Variants in FRZB observed in about 807,000 individuals in gnomAD.
FRZB encodes frizzled related protein.
Under a neutral mutation model 32.5 loss-of-function variants are expected in FRZB, and 34 were observed. The observed-to-expected ratio is 1.05, with a 90% CI of 0.80 to 1.39. The LOEUF is 1.39. Among genes scored for constraint, FRZB ranks in the 40% most tolerant of loss-of-function variants. The pLI is 0.00. For synonymous variants in FRZB, 170 were observed against 159.2 expected, an observed-to-expected ratio of 1.07 and a Z score of -0.51; for missense variants, 423 against 424.8, an observed-to-expected ratio of 1.00 and a Z score of 0.04.
At chr2:182,858,965 A>G (rs2105763324) in intron 1 of FRZB, 132 bp from the exon 2 acceptor site, 1 of 721,858 alleles carries the variant, frequency 1.4e-6, no homozygotes, top group East Asian at 2.5e-5. Flanking sequence ...ATTTTTATTA[A>G]CGTCATGAGG....
intron 5 of FRZB, among the ~76,000 whole-genome samples, chr2:182,835,550 G>A (rs1695515293): frequency 6.8e-6 from 1 of 147,874 alleles, no homozygotes; most frequent in South Asian, 2.2e-4. Context: ...GCAGGTATTA[G>A]CAATGTTTTT....
chr2:182,862,786 T>G (rs1157237327), intron 1 of FRZB, among the ~76,000 whole-genome samples: 1 of 124,050 alleles, frequency 8.1e-6, no homozygotes, highest in Non-Finnish European at 1.7e-5. Flanking sequence ...TTTTTTTTTT[T>G]GAAACACAGT....
intron 1 of FRZB, 121 bp from the exon 2 acceptor site, chr2:182,858,954 G>A (rs1183061798): frequency 1.3e-6 from 1 of 798,396 alleles, no homozygotes; most frequent in Non-Finnish European, 2.1e-6. Flanking sequence ...GAAGGAAGTA[G>A]ATTTTTATTA....
chr2:182,842,632 C>T, intron 2 of FRZB, 89 bp from the exon 3 acceptor site: 1 of 984,418 alleles, frequency 1.0e-6, no homozygotes, highest in Non-Finnish European at 1.6e-6. Flanking sequence ...CAGACTAGAT[C>T]TCAATTTGGT....
At chr2:182,859,884 A>T (rs17265859) in intron 1 of FRZB, among the ~76,000 whole-genome samples, 7,894 of 152,318 alleles carry the variant, frequency 0.052, 267 homozygotes, top group Non-Finnish European at 0.075. Flanking sequence ...TTGGGCATAA[A>T]CTATTAATTA....
Position 182,834,523 on chromosome 2 carries a change from A to C in FRZB, c.*326T>G, listed in dbSNP as rs548284580. 2 of 264,098 alleles carry C rather than the reference A, an allele frequency of 7.6e-6. No individual in the cohort carries two copies. Among genetic ancestry groups the C allele is most frequent in the East Asian group, 1.5e-4 (2 of 13,696 alleles). 16.4% of individuals were successfully genotyped at this position (264,098 alleles called of 1,614,324 possible). A position where few individuals can be genotyped will look rare whatever the true frequency, so the allele number is the denominator to read the frequency against. On this transcript the variant is annotated 3_prime_UTR_variant, in exon 6 of 6. Coordinates refer to ENST00000295113, the MANE Select transcript of FRZB (RefSeq NM_001463.4). ...ATTCCCAATTGGGGTGCAGAAAGTA[A>C]ATTAACATCTGGAGACTCCAGCAAA...
rs1270735688 is a variant in FRZB at position 182,835,112 on chromosome 2, A to T, written c.862-147T>A. 4.7e-6 allele frequency: 3 copies of T among 641,818 alleles called. No individual in the cohort carries two copies. The African/African-American group carries it at 5.5e-5, about 12-fold the overall frequency. The allele number at this position is 641,818 out of a possible 1,614,324, so 39.8% of individuals were successfully genotyped here. Reference sequence around the variant, plus strand: ...AAAGTATCAATCTATTTCCCAGGGTAACAAGAAAACTGATGCAATATGAAC... The same window carrying T: ...AAAGTATCAATCTATTTCCCAGGGTTACAAGAAAACTGATGCAATATGAAC... On this transcript the variant is annotated intron_variant, in intron 5 of 5. Coordinates refer to ENST00000295113, the MANE Select transcript of FRZB (RefSeq NM_001463.4).
At chr2:182,840,005 A>T (rs1003222876) in intron 3 of FRZB, among the ~76,000 whole-genome samples, 1 of 152,142 alleles carries the variant, frequency 6.6e-6, no homozygotes, top group African/African-American at 2.4e-5. Context: ...ACAAAAACTT[A>T]TTCTACCAGT....
intron 2 of FRZB, among the ~76,000 whole-genome samples, chr2:182,848,847 A>G (rs1211519020): frequency 6.6e-6 from 1 of 152,226 alleles, no homozygotes; most frequent in Admixed American, 6.5e-5. Flanking sequence ...GTGAAGCTGA[A>G]TAACGACACC....
intron 2 of FRZB, among the ~76,000 whole-genome samples, chr2:182,849,797 A>G (rs73040077): frequency 0.041 from 6,235 of 152,334 alleles, 345 homozygotes; most frequent in African/African-American, 0.13. Context: ...GAAAATTTCA[A>G]ATAAACTGCC....
chr2:182,842,229 A>C (rs938725403), intron 3 of FRZB, among the ~76,000 whole-genome samples: 2 of 152,162 alleles, frequency 1.3e-5, no homozygotes, highest in African/African-American at 4.8e-5. Flanking sequence ...CTGTGTACTT[A>C]AGTGCATGGC....
intron 2 of FRZB, among the ~76,000 whole-genome samples, chr2:182,843,540 T>A (rs1424198946): frequency 6.6e-6 from 1 of 152,182 alleles, no homozygotes; most frequent in East Asian, 1.9e-4. Flanking sequence ...AAAAATTAAA[T>A]GGTATGTGCT....
intron 2 of FRZB, among the ~76,000 whole-genome samples, chr2:182,851,730 AAG>A (rs1695712877): frequency 6.6e-6 from 1 of 152,202 alleles, no homozygotes; most frequent in African/African-American, 2.4e-5. Flanking sequence ...GAAGTACTCA[AAG>A]AGTACCCAGG....
At position 182,864,775 on chromosome 2, in the gene FRZB, G is replaced by A. The variant is rs1436039925; in HGVS notation, c.478+1300C>T. 5.3e-5 allele frequency among the ~76,000 whole-genome samples: 8 copies of A among 152,184 alleles called. No homozygotes were observed. The South Asian group carries it at 1.5e-3, about 28-fold the overall frequency. On this transcript the variant is annotated intron_variant, in intron 1 of 5. Transcript: ENST00000295113. ...ACCTGGAAATGGACTGGGGACATGC[G>A]CCTAGACTGCGCAAGTTGAAAGAGG...
intron 2 of FRZB, among the ~76,000 whole-genome samples, chr2:182,854,518 T>C (rs1307318056): frequency 1.3e-5 from 2 of 152,196 alleles, no homozygotes; most frequent in African/African-American, 4.8e-5. Flanking sequence ...GCAAGCATTT[T>C]GCAGACAGAG....
chr2:182,864,918 A>T (rs186336623), intron 1 of FRZB, among the ~76,000 whole-genome samples: 1 of 152,186 alleles, frequency 6.6e-6, no homozygotes, highest in African/African-American at 2.4e-5. Flanking sequence ...ATGAAAAAAA[A>T]TTGCCTTCTT....
intron 3 of FRZB, among the ~76,000 whole-genome samples, 164 bp from the exon 4 acceptor site, chr2:182,838,777 G>A (rs2105752233): frequency 6.6e-6 from 1 of 152,188 alleles, no homozygotes; most frequent in South Asian, 2.1e-4. Context: ...ACTGTAGTGT[G>A]TGACATAAAA....
intron 2 of FRZB, among the ~76,000 whole-genome samples, chr2:182,854,267 A>T (rs984144953): frequency 3.0e-4 from 46 of 152,128 alleles, no homozygotes; most frequent in Non-Finnish European, 1.3e-4. Flanking sequence ...TGCATGTTAT[A>T]CTTTAATGGT....
At chr2:182,837,920 T>G (rs1190285768) in intron 5 of FRZB, 28 bp downstream of exon 5, 12 of 1,582,352 alleles carry the variant, frequency 7.6e-6, no homozygotes, top group Non-Finnish European at 1.0e-5. Context: ...TTTCTGTGTA[T>G]TACTTCAAAC....
Sources: gnomAD v4.1 joint callset for allele counts (sites outside exome capture counted in the v4.1 genomes callset) on GRCh38, gnomAD v4.1.1 for gene constraint, MANE v1.5 for transcripts, NCBI Gene and HGNC (gene_info 2026-07-23, HGNC 2026-07-21) for gene names.